The following LINGO2 variants were observed in gnomAD, a reference collection of about 807,000 sequenced individuals.
LINGO2 encodes leucine-rich repeat and immunoglobulin-like domain-containing nogo receptor-interacting protein 2.
In LINGO2, 14 loss-of-function variants were observed where a neutral mutation model predicts 30.6. That is an observed-to-expected ratio of 0.46 (90% CI 0.30 to 0.72). LINGO2 has a LOEUF of 0.72. LINGO2 is among the 30% of genes least tolerant of loss of function. LINGO2 has a pLI of 0.07. For synonymous variants in LINGO2, 317 were observed against 288.5 expected, an observed-to-expected ratio of 1.10 and a Z score of -1.00; for missense variants, 729 against 751.7, an observed-to-expected ratio of 0.97 and a Z score of 0.35.
intron 4 of LINGO2, among the ~76,000 whole-genome samples, chr9:28,232,179 A>C (rs994060656): frequency 6.6e-6 from 1 of 152,052 alleles, no homozygotes; most frequent in Non-Finnish European, 1.5e-5. Context: ...CGGGCAGATC[A>C]CTTGAGGTCA....
At chr9:29,121,975 G>A in the LINGO2 span, among the ~76,000 whole-genome samples, 8 of 151,966 alleles carry the variant, frequency 5.3e-5, no homozygotes, top group Non-Finnish European at 7.4e-5. Flanking sequence ...TTGGAAATAC[G>A]AAGTAAGTAT....
the LINGO2 span, among the ~76,000 whole-genome samples, chr9:29,152,382 T>TCA: frequency 2.0e-5 from 3 of 152,302 alleles, no homozygotes; most frequent in African/African-American, 7.2e-5. Flanking sequence ...GCAGCACTAT[T>TCA]CACAATAGCA....
chr9:28,874,225 C>A, the LINGO2 span, among the ~76,000 whole-genome samples: 1 of 151,802 alleles, frequency 6.6e-6, no homozygotes, highest in Non-Finnish European at 1.5e-5. Context: ...AATATTTGGA[C>A]CAGTTCACAG....
intron 2 of LINGO2, among the ~76,000 whole-genome samples, chr9:28,377,035 A>G (rs1821156501): frequency 6.9e-6 from 1 of 145,650 alleles, no homozygotes; most frequent in Non-Finnish European, 1.5e-5. Flanking sequence ...AAATCTAGAC[A>G]TCTACAGAGA....
At chr9:28,667,712 C>A (rs971084602) in intron 1 of LINGO2, among the ~76,000 whole-genome samples, 1 of 152,134 alleles carries the variant, frequency 6.6e-6, no homozygotes, top group African/African-American at 2.4e-5. Flanking sequence ...CCACTGCACT[C>A]CAGCCTGGGA....
intron 4 of LINGO2, among the ~76,000 whole-genome samples, chr9:28,234,865 T>G (rs1213322072): frequency 6.6e-6 from 1 of 152,206 alleles, no homozygotes; most frequent in African/African-American, 2.4e-5. Context: ...CCCCTTTATA[T>G]ATACGTATAC....
chr9:28,972,473 A>C, the LINGO2 span, among the ~76,000 whole-genome samples: 7 of 152,332 alleles, frequency 4.6e-5, no homozygotes, highest in East Asian at 1.4e-3. Flanking sequence ...AATTACAAAG[A>C]ACCAAGCAAA....
At chr9:29,166,176 CTT>C in the LINGO2 span, among the ~76,000 whole-genome samples, 2 of 152,064 alleles carry the variant, frequency 1.3e-5, no homozygotes, top group African/African-American at 4.8e-5. Context: ...AAATGATTCT[CTT>C]ATGTGGTTAT....
intron 1 of LINGO2, among the ~76,000 whole-genome samples, chr9:28,558,441 C>T (rs956470209): frequency 2.0e-5 from 3 of 151,986 alleles, no homozygotes; most frequent in Non-Finnish European, 4.4e-5. Flanking sequence ...TATTCCTATC[C>T]TGTGTCCACG....
At chr9:28,937,708 C>T in the LINGO2 span, among the ~76,000 whole-genome samples, 1,798 of 152,258 alleles carry the variant, frequency 0.012, 30 homozygotes, top group African/African-American at 0.04. Flanking sequence ...GACAGCCTTG[C>T]ACCTTTGCAT....
At chr9:28,964,637 AC>A in the LINGO2 span, among the ~76,000 whole-genome samples, 7 of 152,074 alleles carry the variant, frequency 4.6e-5, no homozygotes, top group South Asian at 2.1e-4. Context: ...AGACAAGGTA[AC>A]CAGAAAGGCA....
chr9:28,437,610 G>A (rs993704190), intron 2 of LINGO2, among the ~76,000 whole-genome samples: 5 of 150,646 alleles, frequency 3.3e-5, no homozygotes, highest in African/African-American at 7.3e-5. Context: ...CACACATACA[G>A]ATCACTTCTA....
the LINGO2 span, among the ~76,000 whole-genome samples, chr9:29,177,184 A>G: frequency 2.0e-5 from 3 of 152,234 alleles, no homozygotes; most frequent in African/African-American, 7.2e-5. Context: ...AAGTGTAGCC[A>G]TAAAGATAAA....
chr9:28,917,870 A>G, the LINGO2 span, among the ~76,000 whole-genome samples: 1 of 152,126 alleles, frequency 6.6e-6, no homozygotes, highest in Admixed American at 6.5e-5. Context: ...ATTATGAAAG[A>G]AAATTGAATA....
the LINGO2 span, among the ~76,000 whole-genome samples, chr9:29,004,884 T>C: frequency 3.9e-5 from 6 of 152,016 alleles, no homozygotes; most frequent in Non-Finnish European, 8.8e-5. Context: ...ACAATTTAAT[T>C]AATCTGTATG....
chr9:28,327,651 C>T (rs536894803), intron 3 of LINGO2, among the ~76,000 whole-genome samples: 108 of 152,286 alleles, frequency 7.1e-4, no homozygotes, highest in African/African-American at 2.6e-3. Flanking sequence ...AATAAGCACA[C>T]TTGTTTTTGT....
chr9:28,530,170 T>A lies in LINGO2; in HGVS notation c.-364-54145A>T, dbSNP rs138388961. Among the ~76,000 whole-genome samples the A allele has an allele frequency of 9.5e-3, 1,450 of 152,152 alleles. 9 individuals are homozygous for A. The highest frequency in any genetic ancestry group is 0.02 in the Middle Eastern group (6 of 294). On this transcript the variant is annotated intron_variant, in intron 1 of 5. Coordinates refer to ENST00000379992, the Ensembl canonical transcript of LINGO2. ...AGGTGGCATATGAGATGAGAAATCA[T>A]TGTAAGCAATGTCTCTTAATCAGAC...
intron 4 of LINGO2, among the ~76,000 whole-genome samples, chr9:28,166,591 T>TGA (rs1354259322): frequency 6.6e-6 from 1 of 152,036 alleles, no homozygotes; most frequent in Non-Finnish European, 1.5e-5. Context: ...ACAAATCAAA[T>TGA]GCACAAAAAG....
At chr9:27,982,249 A>G (rs185808626) in intron 5 of LINGO2, among the ~76,000 whole-genome samples, 1 of 151,812 alleles carries the variant, frequency 6.6e-6, no homozygotes, top group Non-Finnish European at 1.5e-5. Context: ...GGTCAGATGC[A>G]TGCTCTCAAT....
Sources: gnomAD v4.1 joint callset for allele counts (sites outside exome capture counted in the v4.1 genomes callset) on GRCh38, gnomAD v4.1.1 for gene constraint, MANE v1.5 for transcripts, NCBI Gene and HGNC (gene_info 2026-07-23, HGNC 2026-07-21) for gene names.